Variants in MED23 observed in about 807,000 individuals in gnomAD.
MED23 encodes mediator of RNA polymerase II transcription subunit 23.
MED23 carries 105 observed loss-of-function variants against 163.9 expected under a neutral mutation model. The observed-to-expected ratio is 0.64, with a 90% CI of 0.55 to 0.75. The LOEUF is 0.75. Among genes scored for constraint, MED23 ranks in the 30% least tolerant of loss-of-function variants. MED23 has a pLI of 0.00. For synonymous variants in MED23, 561 were observed against 565.6 expected (o/e 0.99, Z 0.12); for missense variants, 1,054 against 1,649.0 (o/e 0.64, Z 6.25).
chr6:131,589,855 A>G (rs1774462340), intron 27 of MED23, among the ~76,000 whole-genome samples: 2 of 152,232 alleles, frequency 1.3e-5, no homozygotes, highest in South Asian at 4.1e-4. Flanking sequence ...CTTAAAATCA[A>G]GAGATAAACA....
chr6:131,598,151 A>C lies in MED23; in HGVS notation c.2607+136T>G. ...GAAATTGGAAAATTTCCGGCTCTTT[A>C]GGGAAGTGACAGCAATGCTTGATAT... On this transcript the variant is annotated intron_variant, in intron 20 of 28. Transcript: ENST00000368068. This position sits in a 1 kb window ranked among gnomAD's most constrained non-coding sequence, Gnocchi z 4.7. 1 of 917,468 alleles carries C rather than the reference A, an allele frequency of 1.1e-6. No homozygotes were observed. 56.8% of individuals were successfully genotyped at this position (917,468 alleles called of 1,614,324 possible).
rs1585486727 is a variant in MED23, at chr6:131,598,289, G to A, written c.2605C>T (p.Leu869=). Reference sequence around the variant, plus strand: ...CTTAGAAATGTATTTATTCTTACCAGGCAGAGAATTAATCTGTCCAGTGTA... The same window carrying A: ...CTTAGAAATGTATTTATTCTTACCAAGCAGAGAATTAATCTGTCCAGTGTA... The part of the protein sequence containing the change: ...IVTLDRLILC[L]AMRSHEGNEA... Residue 869 remains leucine, a splice_region_variant and synonymous_variant, in exon 20 of 29, where the codon CTG becomes TTG. Coordinates refer to ENST00000368068, the MANE Select transcript of MED23 (RefSeq NM_004830.4). This position sits in a 1 kb window ranked among gnomAD's most constrained non-coding sequence, Gnocchi z 4.7. 6.2e-7 allele frequency: 1 copy of A among 1,611,844 alleles called. No individual in the cohort carries two copies. The highest frequency in any genetic ancestry group is 2.2e-5 in the East Asian group (1 of 44,854).
intron 30 of MED23, chr6:131,581,253 G>T: frequency 3.1e-6 from 5 of 1,613,858 alleles, no homozygotes; most frequent in Non-Finnish European, 4.2e-6. Flanking sequence ...CCATGCCAGG[G>T]TCCACCCTGA....
At chr6:131,593,742 T>C (rs1416863166) in intron 23 of MED23, among the ~76,000 whole-genome samples, 1 of 152,130 alleles carries the variant, frequency 6.6e-6, no homozygotes, top group Non-Finnish European at 1.5e-5. Context: ...TTAATTTTTT[T>C]AAAGTAACAA....
At chr6:131,591,084 G>A (rs1315783358) in intron 26 of MED23, among the ~76,000 whole-genome samples, 1 of 151,456 alleles carries the variant, frequency 6.6e-6, no homozygotes, top group Non-Finnish European at 1.5e-5. Context: ...TGGTTCAAGT[G>A]ATTCTCCTGC....
chr6:131,589,925 TG>T (rs1465971117), intron 27 of MED23, among the ~76,000 whole-genome samples: 2 of 152,224 alleles, frequency 1.3e-5, no homozygotes, highest in Non-Finnish European at 2.9e-5. Flanking sequence ...AGGGATCCTT[TG>T]GATTATACTT....
chr6:131,595,620 A>G (rs914018674), intron 22 of MED23, among the ~76,000 whole-genome samples: 2 of 152,058 alleles, frequency 1.3e-5, no homozygotes, highest in Admixed American at 1.3e-4. Context: ...TTTCCCCCAA[A>G]TGATCCCTTC....
At position 131,598,141 on chromosome 6, in the gene MED23, C is replaced by T. The variant is rs1775208719; in HGVS notation, c.2607+146G>A. ...AACAAAAACAGAAATTGGAAAATTT[C>T]CGGCTCTTTAGGGAAGTGACAGCAA... On this transcript the variant is annotated intron_variant, in intron 20 of 28. Transcript: ENST00000368068. This position sits in a 1 kb window ranked among gnomAD's most constrained non-coding sequence, Gnocchi z 4.7. The T allele has an allele frequency of 9.5e-6, 8 of 843,768 alleles. No individual in the cohort carries two copies. The Admixed American group carries it at 2.2e-4, about 24-fold the overall frequency. 52.3% of individuals were successfully genotyped at this position (843,768 alleles called of 1,614,324 possible). A position where few individuals can be genotyped will look rare whatever the true frequency, so the allele number is the denominator to read the frequency against.
chr6:131,575,000 G>A (rs1469939664), intron 30 of MED23, among the ~76,000 whole-genome samples: 1 of 152,134 alleles, frequency 6.6e-6, no homozygotes, highest in African/African-American at 2.4e-5. Flanking sequence ...TTATACTTGT[G>A]GCCATTTAGG....
intron 4 of MED23, among the ~76,000 whole-genome samples, chr6:131,624,459 T>A (rs1777337280): frequency 6.6e-6 from 1 of 152,204 alleles, no homozygotes; most frequent in Admixed American, 6.5e-5. Flanking sequence ...GCTTTTGCCA[T>A]GCTCCAGCCC....
chr6:131,586,883 TTTTAAGATTATAAAAATTGAAGA>T lies in MED23; in HGVS notation c.*773_*795del, dbSNP rs1774216258. 6.9e-7 allele frequency: 1 copy of T among 1,457,894 alleles called. No homozygotes were observed. The highest frequency in any genetic ancestry group is 9.3e-7 in the Non-Finnish European group (1 of 1,078,322). The allele number at this position is 1,457,894 out of a possible 1,614,324, so 90.3% of individuals were successfully genotyped here. ...TATTTACAAATATAAAATTTAAAAA[TTTTAAGATTATAAAAATTGAAGA>T]ATTACATCATCTGTCAGGTGAGAGT... On this transcript the variant is annotated 3_prime_UTR_variant, in exon 29 of 29. Coordinates refer to ENST00000368068, the MANE Select transcript of MED23 (RefSeq NM_004830.4).
intron 25 of MED23, 123 bp downstream of exon 25, chr6:131,592,265 A>G: frequency 1.2e-6 from 1 of 856,634 alleles, no homozygotes; most frequent in Non-Finnish European, 1.9e-6. Flanking sequence ...AAAACATAAA[A>G]TACTTCATTA....
At position 131,606,668 on chromosome 6, in the gene MED23, A is replaced by G. The variant is rs1213428692; in HGVS notation, c.1222-44T>C. The stretch of plus-strand genomic sequence containing the variant: ...AAAAATAACACAATAGAAGAAAGAG[A>G]AGAATTAAATAATTATGTGTATTTT... On this transcript the variant is annotated intron_variant, in intron 12 of 28. Coordinates refer to ENST00000368068, the MANE Select transcript of MED23 (RefSeq NM_004830.4). 6 of 1,469,876 alleles carry G rather than the reference A, an allele frequency of 4.1e-6. No homozygotes were observed. The South Asian group carries it at 7.0e-5, about 17-fold the overall frequency. The allele number at this position is 1,469,876 out of a possible 1,614,324, so 91.1% of individuals were successfully genotyped here.
At chr6:131,613,362 A>G (rs760006369) in intron 10 of MED23, among the ~76,000 whole-genome samples, 1 of 152,184 alleles carries the variant, frequency 6.6e-6, no homozygotes, top group Admixed American at 6.5e-5. Flanking sequence ...GCTGAATGTA[A>G]CCAATATTAG....
intron 10 of MED23, among the ~76,000 whole-genome samples, chr6:131,610,999 T>C (rs1562393751): frequency 6.6e-6 from 1 of 152,200 alleles, no homozygotes; most frequent in Non-Finnish European, 1.5e-5. Flanking sequence ...AAAAGATCTG[T>C]GCTTTTAAAA....
Position 131,602,382 on chromosome 6 carries a change from C to G in MED23, c.1932-1G>C, listed in dbSNP as rs878853110. 2 of 1,611,234 alleles carry G rather than the reference C, an allele frequency of 1.2e-6. No individual in the cohort carries two copies. Among genetic ancestry groups the G allele is most frequent in the East Asian group, 2.2e-5 (1 of 44,804 alleles). On this transcript the variant is annotated splice_acceptor_variant, in intron 16 of 28. Transcript: ENST00000368068. LOFTEE classifies it high-confidence loss of function. ...AAGCCTGAGAGCAGTGCTCTCGACA[C>G]TGAAAATTGGGAGAATAAAAAGAAA... is the stretch of plus-strand genomic sequence containing the variant.
chr6:131,622,846 T>C (rs1777207013), intron 5 of MED23, among the ~76,000 whole-genome samples: 3 of 152,224 alleles, frequency 2.0e-5, no homozygotes, highest in South Asian at 2.1e-4. Context: ...CTCCTGAAGA[T>C]GCAGAATGGC....
intron 4 of MED23, 84 bp from the exon 5 acceptor site, chr6:131,623,546 A>G: frequency 1.9e-6 from 2 of 1,036,966 alleles, no homozygotes; most frequent in Non-Finnish European, 3.0e-6. Flanking sequence ...TTGGCTGTGT[A>G]CTCACACAAA....
In MED23 at chr6:131,598,323, A is replaced by C; in HGVS notation, c.2571T>G (p.Tyr857Ter). Residue 857 changes from tyrosine (Y) to a stop codon, truncating the protein, a stop_gained, in exon 20 of 29, where the codon TAT (tyrosine) becomes TAG (stop). Coordinates refer to ENST00000368068, the MANE Select transcript of MED23 (RefSeq NM_004830.4). LOFTEE classifies it high-confidence loss of function. This position sits in a 1 kb window ranked among gnomAD's most constrained non-coding sequence, Gnocchi z 4.7. ...TTAATCTGTCCAGTGTAACAATGTT[A>C]TACTTCCATACCATGTCATTAAGAA... ...IEILNDMVWK[Y>*]NIVTLDRLIL... The C allele has an allele frequency of 6.2e-7, 1 of 1,614,038 alleles. No homozygotes were observed. Among genetic ancestry groups the C allele is most frequent in the Non-Finnish European group, 8.5e-7 (1 of 1,179,934 alleles).
Sources: allele counts gnomAD v4.1 joint callset (sites outside exome capture counted in the v4.1 genomes callset), GRCh38; gene constraint gnomAD v4.1.1; non-coding constraint Gnocchi (gnomAD v3.1); transcripts MANE v1.5; gene names NCBI Gene and HGNC (gene_info 2026-07-23, HGNC 2026-07-21).